Variants in UBE2W observed in about 807,000 individuals in gnomAD.
UBE2W encodes the protein ubiquitin-conjugating enzyme E2 W.
UBE2W carries 18 observed loss-of-function variants against 27.2 expected under a neutral mutation model. That is an observed-to-expected ratio of 0.66 (90% CI 0.46 to 0.98). UBE2W has a LOEUF of 0.98. Among genes scored for constraint, UBE2W ranks in the 50% least tolerant of loss-of-function variants. The pLI, the probability that UBE2W is intolerant of heterozygous loss-of-function variation, is 0.00. For synonymous variants in UBE2W, 53 were observed against 57.2 expected (o/e 0.93, Z 0.33); for missense variants, 90 against 180.2 (o/e 0.50, Z 2.87).
chr8:73,872,901 C>CT (rs869161392), intron 1 of UBE2W, among the ~76,000 whole-genome samples: 1,767 of 132,686 alleles, frequency 0.013, 15 homozygotes, highest in African/African-American at 0.025. Flanking sequence ...TTTTTTTTTC[C>CT]TTTTTTTTTT....
At chr8:73,831,151 G>T in intron 1 of UBE2W, 1 of 441,534 alleles carries the variant, frequency 2.3e-6, no homozygotes, top group South Asian at 2.1e-5. Context: ...AGTAGTTCTG[G>T]CAGCAGCCAC....
intron 3 of UBE2W, among the ~76,000 whole-genome samples, chr8:73,820,156 A>G (rs983806151): frequency 1.3e-5 from 2 of 152,150 alleles, no homozygotes; most frequent in African/African-American, 2.4e-5. Flanking sequence ...GTTTCATCAA[A>G]TAAAATTTTG....
chr8:73,863,730 C>T (rs1006360115), intron 1 of UBE2W, among the ~76,000 whole-genome samples: 4 of 151,858 alleles, frequency 2.6e-5, no homozygotes, highest in African/African-American at 9.7e-5. Context: ...GGCACTCCAG[C>T]CTGGGTGACA....
chr8:73,859,105 A>T (rs142268771), intron 1 of UBE2W, among the ~76,000 whole-genome samples: 1 of 151,998 alleles, frequency 6.6e-6, no homozygotes, highest in Non-Finnish European at 1.5e-5. Flanking sequence ...CACAGGTTTG[A>T]ACTGCACAGG....
Position 73,792,105 on chromosome 8 carries a change from C to G in UBE2W, c.*1997G>C. 1.0e-6 allele frequency: 1 copy of G among 985,014 alleles called. No individual in the cohort carries two copies. 61.0% of individuals were successfully genotyped at this position (985,014 alleles called of 1,614,324 possible). On this transcript the variant is annotated 3_prime_UTR_variant, in exon 6 of 6. Transcript: ENST00000602593. ...GTCAAACAGTAGTGTAGAGCAGTTA[C>G]GCAAAATATGAAAATACATAATTTA...
At chr8:73,871,185 G>A (rs1173045395) in intron 1 of UBE2W, among the ~76,000 whole-genome samples, 2 of 152,158 alleles carry the variant, frequency 1.3e-5, no homozygotes, top group Non-Finnish European at 2.9e-5. Flanking sequence ...TTTACATCAG[G>A]AATTCAGAAA....
At chr8:73,870,156 T>C in intron 1 of UBE2W, 1 of 1,117,614 alleles carries the variant, frequency 8.9e-7, no homozygotes, top group Non-Finnish European at 1.3e-6. Flanking sequence ...ATATTTCAAT[T>C]AGAAGAAAAA....
At chr8:73,856,229 TAAGTA>T (rs1010004614) in intron 1 of UBE2W, among the ~76,000 whole-genome samples, 7 of 152,162 alleles carry the variant, frequency 4.6e-5, no homozygotes, top group African/African-American at 1.7e-4. Context: ...TATCTTGTCC[TAAGTA>T]AATAGATTAC....
chr8:73,786,753 G>A lies in UBE2W; in HGVS notation c.*7349C>T. ...AGGCCCTAATGGTAAGGAGACTGGAGAGAAGGTAGAAATCTCAGAGACATT... is the reference window on the plus strand; with the variant it reads ...AGGCCCTAATGGTAAGGAGACTGGAAAGAAGGTAGAAATCTCAGAGACATT... On this transcript the variant is annotated 3_prime_UTR_variant, in exon 6 of 6. Transcript: ENST00000602593. 3 of 985,414 alleles carry A rather than the reference G, an allele frequency of 3.0e-6. No homozygotes were observed. Among genetic ancestry groups the A allele is most frequent in the African/African-American group, 1.7e-5 (1 of 57,354 alleles). The allele number at this position is 985,414 out of a possible 1,614,324, so 61.0% of individuals were successfully genotyped here.
intron 1 of UBE2W, among the ~76,000 whole-genome samples, chr8:73,869,399 T>C (rs1811906247): frequency 6.6e-6 from 1 of 151,218 alleles, no homozygotes; most frequent in African/African-American, 2.4e-5. Context: ...TCTACAAAAA[T>C]ACAAAAATTA....
chr8:73,866,237 C>CTCCAGCCT (rs1163800804), intron 1 of UBE2W, among the ~76,000 whole-genome samples: 1 of 133,878 alleles, frequency 7.5e-6, no homozygotes. Context: ...TGCCACTGCA[C>CTCCAGCCT]TCCAGCCTGG....
chr8:73,831,403 ATTTTCACTCAACAAAAGATC>A (rs1486995114), intron 1 of UBE2W: 1 of 163,308 alleles, frequency 6.1e-6, no homozygotes, highest in East Asian at 1.7e-4. Flanking sequence ...AAAAGAATAT[ATTTTCACTCAACAAAAGATC>A]TTTTCACTCA....
Position 73,790,358 on chromosome 8 carries a change from CCTT to C in UBE2W, c.*3741_*3743del, listed in dbSNP as rs565029930. 398 of 985,388 alleles carry C rather than the reference CCTT, an allele frequency of 4.0e-4. 5 individuals carry two copies. The South Asian group carries it at 0.017, about 42-fold the overall frequency. The allele number at this position is 985,388 out of a possible 1,614,324, so 61.0% of individuals were successfully genotyped here. ...GCCAGTTGGTGCAGATTAAAAGACA[CCTT>C]CTTCACAGACCTCAATCATGCACAG... On this transcript the variant is annotated 3_prime_UTR_variant, in exon 6 of 6. Transcript: ENST00000602593.
At chr8:73,834,152 A>G (rs1010953766) in intron 1 of UBE2W, 35 of 152,344 alleles carry the variant, frequency 2.3e-4, no homozygotes, top group African/African-American at 7.7e-4. Context: ...AAATATTACT[A>G]TCAGTAAGTA....
downstream of UBE2W, among the ~76,000 whole-genome samples, chr8:73,784,078 C>A (rs1807893466): frequency 6.6e-6 from 1 of 152,106 alleles, no homozygotes; most frequent in African/African-American, 2.4e-5. Flanking sequence ...CACTCTAATT[C>A]AATGCTCCCA....
intron 2 of UBE2W, among the ~76,000 whole-genome samples, chr8:73,828,903 G>A (rs2130905981): frequency 6.6e-6 from 1 of 151,896 alleles, no homozygotes; most frequent in East Asian, 1.9e-4. Flanking sequence ...TTCTTAATGT[G>A]CTTTCATCAT....
rs7003368 is a variant in UBE2W at position 73,830,374 on chromosome 8, T to C, written c.107+7A>G. 2,560 of 1,600,954 alleles carry C rather than the reference T, an allele frequency of 1.6e-3. 39 individuals are homozygous for C. The African/African-American group carries it at 0.027, about 17-fold the overall frequency. On this transcript the variant is annotated splice_region_variant and intron_variant, in intron 2 of 5. Coordinates refer to ENST00000602593, the MANE Select transcript of UBE2W (RefSeq NM_018299.6). ...AACAAAGAGCCCTTTTAAAATTAAA[T>C]ACTTACTGTGTAATTGAATTTTGAA...
At chr8:73,807,706 A>T (rs1017696329) in intron 4 of UBE2W, among the ~76,000 whole-genome samples, 1 of 152,200 alleles carries the variant, frequency 6.6e-6, no homozygotes, top group Non-Finnish European at 1.5e-5. Context: ...TCACAAACTC[A>T]TTTTATGTAT....
intron 5 of UBE2W, among the ~76,000 whole-genome samples, chr8:73,796,383 A>G (rs1808421692): frequency 6.6e-6 from 1 of 152,234 alleles, no homozygotes; most frequent in Non-Finnish European, 1.5e-5. Flanking sequence ...CAATTTGAAC[A>G]TAATGTTATC....
Sources: allele counts gnomAD v4.1 joint callset (sites outside exome capture counted in the v4.1 genomes callset), GRCh38; gene constraint gnomAD v4.1.1; transcripts MANE v1.5; gene names NCBI Gene and HGNC (gene_info 2026-07-23, HGNC 2026-07-21).